The following DMD variants were observed in gnomAD, a reference collection of about 807,000 sequenced individuals.
The protein encoded by DMD is dystrophin, also known as mutant dystrophin.
Under a neutral mutation model 330.1 loss-of-function variants are expected in DMD, and 63 were observed. That is an observed-to-expected ratio of 0.19 (90% CI 0.16 to 0.24). The LOEUF is 0.24. Among genes scored for constraint, DMD ranks in the 10% least tolerant of loss-of-function variants. The pLI is 1.00. For synonymous variants in DMD, 1,223 were observed against 959.8 expected, an observed-to-expected ratio of 1.27 and a Z score of -5.07; for missense variants, 3,344 against 2,684.1, an observed-to-expected ratio of 1.25 and a Z score of -5.43.
intron 2 of DMD, among the ~76,000 whole-genome samples, chrX:32,881,378 C>T (rs183149278): frequency 8.0e-5 from 9 of 112,444 alleles, no homozygotes; most frequent in South Asian, 3.7e-4. Flanking sequence ...TAATTGTATA[C>T]TTACGCAATG....
chrX:31,191,713 T>G (rs1461606978), intron 67 of DMD, among the ~76,000 whole-genome samples: 1 of 112,061 alleles, frequency 8.9e-6, no homozygotes, highest in Admixed American at 9.5e-5. Context: ...CCCTCTCTCT[T>G]TTGTAAATTG....
chrX:32,259,212 A>G (rs939141974), intron 43 of DMD, among the ~76,000 whole-genome samples: 43 of 109,839 alleles, frequency 3.9e-4, no homozygotes, highest in Non-Finnish European at 6.3e-4. Flanking sequence ...AAAATATCAC[A>G]CAATATTATT....
intron 57 of DMD, among the ~76,000 whole-genome samples, chrX:31,482,929 T>G (rs1206236644): frequency 1.8e-5 from 2 of 110,560 alleles, no homozygotes; most frequent in East Asian, 5.6e-4. Flanking sequence ...TCAGGAAAAT[T>G]GGACAGTCTC....
At chrX:32,818,552 T>TTG (rs1313709301) in intron 5 of DMD, among the ~76,000 whole-genome samples, 2 of 111,913 alleles carry the variant, frequency 1.8e-5, no homozygotes, top group Admixed American at 1.9e-4. Context: ...ACAGATGTAT[T>TTG]TGTGTGTGTG....
intron 74 of DMD, among the ~76,000 whole-genome samples, chrX:31,167,122 C>A (rs1440360508): frequency 9.0e-6 from 1 of 111,637 alleles, no homozygotes; most frequent in Non-Finnish European, 1.9e-5. Flanking sequence ...ATGTAAATGA[C>A]ATTCACAGAG....
At chrX:31,722,412 G>A (rs772612586) in intron 52 of DMD, among the ~76,000 whole-genome samples, 130 of 111,066 alleles carry the variant, frequency 1.2e-3, no homozygotes, top group African/African-American at 4.2e-3. Context: ...GAGCCACTGT[G>A]CCCAGCCTGT....
At position 32,932,831 on chromosome X, in the gene DMD, C is replaced by T. The variant is rs200448160; in HGVS notation, c.94-83011G>A. Among the ~76,000 whole-genome samples, 7 of 111,917 alleles carry T rather than the reference C, an allele frequency of 6.3e-5. No homozygotes were observed. In the East Asian group the frequency reaches 1.4e-3, roughly 22 times the overall value. On this transcript the variant is annotated intron_variant, in intron 2 of 78. Transcript: ENST00000357033. ...CAGAAAAGAAGTTTCTTTTTACGTG[C>T]AAAACTTCTGAGCAAAGTGATCTCT...
intron 9 of DMD, among the ~76,000 whole-genome samples, chrX:32,667,832 G>A (rs1276470385): frequency 1.0e-5 from 1 of 97,943 alleles, no homozygotes; most frequent in Non-Finnish European, 2.0e-5. Flanking sequence ...ATTGCATCTT[G>A]ATGAGCTACT....
chrX:31,747,353 C>G (rs556053031), intron 51 of DMD, among the ~76,000 whole-genome samples: 1 of 111,538 alleles, frequency 9.0e-6, no homozygotes. Context: ...TATTGGAGAA[C>G]GTAAAAATTA....
intron 74 of DMD, among the ~76,000 whole-genome samples, chrX:31,150,508 G>A (rs1185728734): frequency 8.9e-6 from 1 of 112,019 alleles, no homozygotes; most frequent in Non-Finnish European, 1.9e-5. Context: ...TCTTCTACTT[G>A]TGATAAATAC....
chrX:31,667,528 G>T (rs188312115), intron 53 of DMD, among the ~76,000 whole-genome samples: 3 of 110,156 alleles, frequency 2.7e-5, no homozygotes, highest in Non-Finnish European at 3.8e-5. Context: ...AGGGGGAAAG[G>T]GGGGGATGGC....
At position 31,205,317 on chromosome X, in the gene DMD, C is replaced by T. The variant is rs2043958662; in HGVS notation, c.9650-1199G>A. 2.7e-5 allele frequency among the ~76,000 whole-genome samples: 3 copies of T among 111,976 alleles called. No homozygotes were observed. In the South Asian group the frequency reaches 1.1e-3, roughly 42 times the overall value. On this transcript the variant is annotated intron_variant, in intron 66 of 78. Coordinates refer to ENST00000357033, the MANE Select transcript of DMD (RefSeq NM_004006.3). ...GCACTAAAAATTGAGATTGTACGCA[C>T]AGCTTTTTATCTGCTCTCCGATATA...
chrX:31,771,429 AT>A (rs763558654), intron 51 of DMD, among the ~76,000 whole-genome samples: 1 of 109,550 alleles, frequency 9.1e-6, no homozygotes, highest in African/African-American at 3.3e-5. Context: ...TTTTAAAAAT[AT>A]TTTTATATAT....
chrX:32,953,744 A>G (rs2091403094), intron 2 of DMD, among the ~76,000 whole-genome samples: 1 of 112,463 alleles, frequency 8.9e-6, no homozygotes, highest in Non-Finnish European at 1.9e-5. Flanking sequence ...GGAATTTTCA[A>G]AGACAGTATG....
chrX:31,892,766 T>C (rs2094275022), intron 47 of DMD, among the ~76,000 whole-genome samples: 1 of 112,037 alleles, frequency 8.9e-6, no homozygotes, highest in South Asian at 3.7e-4. Context: ...AAAGGTATGG[T>C]AAACCTACTG....
intron 55 of DMD, among the ~76,000 whole-genome samples, chrX:31,598,610 CAG>C (rs899539240): frequency 1.8e-4 from 20 of 111,487 alleles, no homozygotes; most frequent in Non-Finnish European, 3.4e-4. Flanking sequence ...AAACTGAAAA[CAG>C]TACAGTGAAA....
At chrX:31,270,104 G>C (rs936873710) in intron 62 of DMD, among the ~76,000 whole-genome samples, 23 of 111,392 alleles carry the variant, frequency 2.1e-4, no homozygotes, top group Non-Finnish European at 3.2e-4. Flanking sequence ...TTGTTGGCCA[G>C]TCCTTTCCTA....
Position 32,468,358 on chromosome X carries a change from G to C in DMD, c.3162+140C>G, listed in dbSNP as rs1432603168. The C allele has an allele frequency of 1.7e-5, 9 of 517,568 alleles. No individual in the cohort carries two copies. The Admixed American group carries it at 2.7e-4, about 16-fold the overall frequency. 42.7% of individuals were successfully genotyped at this position (517,568 alleles called of 1,213,427 possible). A position where few individuals can be genotyped will look rare whatever the true frequency, so the allele number is the denominator to read the frequency against. ...AAGCAAATCGCCATCCTTTGTAAAA[G>C]ACTCATGTCTTTTCATCTTCTCACT... is the stretch of plus-strand genomic sequence containing the variant. On this transcript the variant is annotated intron_variant, in intron 23 of 78. Coordinates refer to ENST00000357033, the MANE Select transcript of DMD (RefSeq NM_004006.3).
intron 44 of DMD, among the ~76,000 whole-genome samples, chrX:32,082,433 T>TATC (rs1557119386): frequency 5.5e-5 from 6 of 109,708 alleles, no homozygotes; most frequent in Non-Finnish European, 1.1e-4. Context: ...TCTATCTATC[T>TATC]ATCTATTTTG....
Sources: gnomAD v4.1 joint callset for allele counts (sites outside exome capture counted in the v4.1 genomes callset) on GRCh38, gnomAD v4.1.1 for gene constraint, MANE v1.5 for transcripts, NCBI Gene and HGNC (gene_info 2026-07-23, HGNC 2026-07-21) for gene names.